Variants in IFT74 observed in about 807,000 individuals in gnomAD.
IFT74 encodes intraflagellar transport protein 74 homolog.
Under a neutral mutation model 96.7 loss-of-function variants are expected in IFT74, and 92 were observed. The ratio of observed to expected loss-of-function variants is 0.95; its 90% confidence interval spans 0.80 to 1.13. The LOEUF (loss-of-function observed/expected upper bound fraction) is 1.13, where lower values mean the gene tolerates loss of function less well. Among genes scored for constraint, IFT74 ranks in the 50% most tolerant of loss-of-function variants. IFT74 has a pLI of 0.00. For missense variants in IFT74, 811 were observed against 698.2 expected (o/e 1.16, Z -1.82); for synonymous variants, 223 against 213.2 (o/e 1.05, Z -0.40).
chr9:27,016,886 T>C (rs1714921940), intron 10 of IFT74, 21 bp from the exon 11 acceptor site: 2 of 1,573,128 alleles, frequency 1.3e-6, no homozygotes, highest in African/African-American at 2.7e-5. Flanking sequence ...ATTAAAACTT[T>C]CCCTTCTTAT....
At chr9:27,053,128 G>T (rs925537775) in intron 16 of IFT74, among the ~76,000 whole-genome samples, 2 of 145,476 alleles carry the variant, frequency 1.4e-5, no homozygotes, top group East Asian at 2.0e-4. Context: ...CTCCCAAAAT[G>T]CTGGGATTAC....
At chr9:27,007,843 T>C (rs1289027961) in intron 8 of IFT74, among the ~76,000 whole-genome samples, 1 of 152,222 alleles carries the variant, frequency 6.6e-6, no homozygotes, top group Non-Finnish European at 1.5e-5. Context: ...AGTGAAAATG[T>C]GTGTTCAATC....
chr9:26,984,418 A>C, intron 5 of IFT74, 63 bp downstream of exon 5: 1 of 1,580,896 alleles, frequency 6.3e-7, no homozygotes, highest in Non-Finnish European at 8.6e-7. Flanking sequence ...CTTTGTAGCT[A>C]TCCATATTGT....
chr9:27,046,445 T>G (rs2131682687), intron 14 of IFT74, among the ~76,000 whole-genome samples: 1 of 152,330 alleles, frequency 6.6e-6, no homozygotes, highest in Non-Finnish European at 1.5e-5. Context: ...AAGTTTCTAT[T>G]TTTTAGATGC....
chr9:26,995,811 CA>C (rs1339647631), intron 8 of IFT74: 2 of 1,607,048 alleles, frequency 1.2e-6, no homozygotes, highest in African/African-American at 2.7e-5. Flanking sequence ...ACAACAACAC[CA>C]ACAAGAAAAG....
intron 13 of IFT74, among the ~76,000 whole-genome samples, chr9:27,041,904 T>C (rs1819496651): frequency 6.6e-6 from 1 of 152,108 alleles, no homozygotes; most frequent in African/African-American, 2.4e-5. Flanking sequence ...TCTGCTGAGA[T>C]GTGTAGGAGC....
At chr9:27,001,300 CT>C (rs1047884153) in intron 8 of IFT74, among the ~76,000 whole-genome samples, 3 of 151,814 alleles carry the variant, frequency 2.0e-5, no homozygotes, top group Non-Finnish European at 2.9e-5. Context: ...ATATTCATCT[CT>C]TTTTTTTAAA....
chr9:26,984,616 T>G lies in IFT74; in HGVS notation c.465+57T>G. 3 of 1,368,954 alleles carry G rather than the reference T, an allele frequency of 2.2e-6. No individual in the cohort carries two copies. In the South Asian group the frequency reaches 3.6e-5, roughly 16 times the overall value. 84.8% of individuals were successfully genotyped at this position (1,368,954 alleles called of 1,614,324 possible). ...TAATATTTTCATTAGTTTTTACTAC[T>G]GCTTTAAAAATACATTAGTAGGCAA... On this transcript the variant is annotated intron_variant, in intron 6 of 19. Transcript: ENST00000380062.
rs1304950508 is a variant in IFT74, at chr9:27,063,844, T to G, written c.*1108T>G. Among the ~76,000 whole-genome samples the G allele has an allele frequency of 6.6e-6, 1 of 152,130 alleles. No individual in the cohort carries two copies. The highest frequency in any genetic ancestry group is 6.5e-5 in the Admixed American group (1 of 15,272). On this transcript the variant is annotated 3_prime_UTR_variant, in exon 20 of 20. Transcript: ENST00000380062. ...ATTTAAATAAAGGAGTGAGCATTGT[T>G]GAGTTTGCTGAACTCTGGATTACTA... is the stretch of plus-strand genomic sequence containing the variant.
At chr9:27,019,350 C>T (rs1398838210) in intron 12 of IFT74, among the ~76,000 whole-genome samples, 3 of 151,990 alleles carry the variant, frequency 2.0e-5, no homozygotes, top group African/African-American at 7.3e-5. Flanking sequence ...CTAGCCATGC[C>T]CATTCTGGAC....
At chr9:27,046,857 A>C (rs1007580701) in intron 14 of IFT74, among the ~76,000 whole-genome samples, 2 of 152,202 alleles carry the variant, frequency 1.3e-5, no homozygotes, top group African/African-American at 4.8e-5. Flanking sequence ...GTTAATAACA[A>C]ATTAAACAGT....
chr9:26,965,264 CA>C (rs1400539482), intron 2 of IFT74, among the ~76,000 whole-genome samples: 2 of 152,064 alleles, frequency 1.3e-5, no homozygotes, highest in Non-Finnish European at 2.9e-5. Flanking sequence ...GATTTTCACA[CA>C]GGTGATTTCA....
chr9:27,024,883 A>G (rs895524292), intron 12 of IFT74, among the ~76,000 whole-genome samples: 2 of 151,912 alleles, frequency 1.3e-5, no homozygotes, highest in African/African-American at 2.4e-5. Flanking sequence ...GAAAGTTTCA[A>G]CGATAGAATC....
rs73438246 is a variant in IFT74 at position 27,061,742 on chromosome 9, A to G, written c.1685-876A>G. Reference sequence around the variant, plus strand: ...AGTTGTTTGTTGTTTATATGGTTCTACCTTGAATATCTGGGCAGCAAAGGG... The same window carrying G: ...AGTTGTTTGTTGTTTATATGGTTCTGCCTTGAATATCTGGGCAGCAAAGGG... On this transcript the variant is annotated intron_variant, in intron 19 of 19. Transcript: ENST00000380062. Among the ~76,000 whole-genome samples, 893 of 151,076 alleles carry G rather than the reference A, an allele frequency of 5.9e-3. 13 individuals are homozygous for G. Among genetic ancestry groups the G allele is most frequent in the African/African-American group, 0.02 (840 of 41,124 alleles).
At chr9:26,949,788 A>C (rs1825874603) in intron 1 of IFT74, among the ~76,000 whole-genome samples, 1 of 152,144 alleles carries the variant, frequency 6.6e-6, no homozygotes, top group African/African-American at 2.4e-5. Context: ...TCAGGGATGA[A>C]TCACAGGTGT....
At chr9:26,981,863 G>A in intron 4 of IFT74, among the ~76,000 whole-genome samples, 1 of 151,946 alleles carries the variant, frequency 6.6e-6, no homozygotes, top group Admixed American at 6.6e-5. Flanking sequence ...TGCCTTCCGG[G>A]TTTAAGCTAT....
chr9:26,989,529 G>A (rs1248455421), intron 7 of IFT74, among the ~76,000 whole-genome samples: 4 of 152,104 alleles, frequency 2.6e-5, no homozygotes, highest in Admixed American at 6.6e-5. Context: ...ACTGTTCTAT[G>A]AAGACATAGG....
chr9:27,059,652 G>T (rs915271959), intron 18 of IFT74, among the ~76,000 whole-genome samples: 3 of 152,174 alleles, frequency 2.0e-5, no homozygotes, highest in African/African-American at 4.8e-5. Flanking sequence ...AGTAATACCA[G>T]CTCACAGCAC....
Position 27,062,803 on chromosome 9 carries a change from CCA to C in IFT74, c.*68_*69del. 1 of 794,648 alleles carries C rather than the reference CCA, an allele frequency of 1.3e-6. No homozygotes were observed. Among genetic ancestry groups the C allele is most frequent in the Non-Finnish European group, 2.0e-6 (1 of 498,976 alleles). 49.2% of individuals were successfully genotyped at this position (794,648 alleles called of 1,614,324 possible). On this transcript the variant is annotated 3_prime_UTR_variant, in exon 20 of 20. Coordinates refer to ENST00000380062, the MANE Select transcript of IFT74 (RefSeq NM_025103.4). ...TGCTAAACTTGGTACAAGTTGACTACCAAAAAAAAAAAAAGCTTACTTTTGGA... is the reference window on the plus strand; with the variant it reads ...TGCTAAACTTGGTACAAGTTGACTACAAAAAAAAAAAAGCTTACTTTTGGA...
Sources: allele counts gnomAD v4.1 joint callset (sites outside exome capture counted in the v4.1 genomes callset), GRCh38; gene constraint gnomAD v4.1.1; transcripts MANE v1.5; gene names NCBI Gene and HGNC (gene_info 2026-07-23, HGNC 2026-07-21).